Variants in FSHR observed in about 807,000 individuals in gnomAD.
FSHR encodes the protein follicle-stimulating hormone receptor.
In FSHR, 46 loss-of-function variants were observed where a neutral mutation model predicts 52.1. The ratio of observed to expected loss-of-function variants is 0.88; its 90% CI spans 0.70 to 1.13. The LOEUF (loss-of-function observed/expected upper bound fraction) is 1.13. FSHR is among the 50% of genes most tolerant of loss of function. FSHR has a pLI of 0.00. For missense variants in FSHR, 964 were observed against 834.6 expected, an observed-to-expected ratio of 1.16 and a Z score of -1.91; for synonymous variants, 399 against 309.6, an observed-to-expected ratio of 1.29 and a Z score of -3.03.
intron 4 of FSHR, among the ~76,000 whole-genome samples, chr2:48,992,103 C>T (rs1018307391): frequency 2.0e-5 from 3 of 151,568 alleles, no homozygotes; most frequent in Non-Finnish European, 4.4e-5. Context: ...ACTTCAACAG[C>T]CCTTGAGTTA....
intron 1 of FSHR, among the ~76,000 whole-genome samples, chr2:49,106,899 C>T (rs1671243637): frequency 6.6e-6 from 1 of 152,106 alleles, no homozygotes; most frequent in South Asian, 2.1e-4. Flanking sequence ...AGCCTCTCGC[C>T]TTAAGCATCC....
intron 1 of FSHR, among the ~76,000 whole-genome samples, chr2:49,135,774 G>C (rs1054531700): frequency 6.6e-6 from 1 of 152,098 alleles, no homozygotes; most frequent in Admixed American, 6.6e-5. Context: ...TATGTGTATT[G>C]TATACTGTAT....
intron 1 of FSHR, among the ~76,000 whole-genome samples, chr2:49,144,913 G>T (rs1672815315): frequency 6.6e-6 from 1 of 152,118 alleles, no homozygotes; most frequent in African/African-American, 2.4e-5. Context: ...TTACTTATAA[G>T]TTCAAGAGCA....
In FSHR at chr2:48,963,082, G is replaced by C; in HGVS notation, c.1739C>G (p.Thr580Ser). Residue 580 changes from threonine (T) to serine (S), a missense_variant, in exon 10 of 10, where the codon ACT (threonine) becomes AGT (serine). Transcript: ENST00000406846. ...IAKRMAMLIF[T>S]DFLCMAPISF... is the part of the protein sequence containing the mutation. ...AATGGGTGCCATGCAGAGGAAGTCA[G>C]TGAAGATGAGCATGGCCATGCGCTT... 2.5e-6 allele frequency: 4 copies of C among 1,614,108 alleles called. No individual in the cohort carries two copies. Among genetic ancestry groups the C allele is most frequent in the Non-Finnish European group, 3.4e-6 (4 of 1,179,996 alleles).
rs74512920 is a variant in FSHR at position 49,142,724 on chromosome 2, T to C, written c.152+11542A>G. Among the ~76,000 whole-genome samples the C allele has an allele frequency of 5.4e-3, 820 of 152,298 alleles. 30 individuals are homozygous for C. In the East Asian group the frequency reaches 0.085, roughly 16 times the overall value. On this transcript the variant is annotated intron_variant, in intron 1 of 9. Coordinates refer to ENST00000406846, the MANE Select transcript of FSHR (RefSeq NM_000145.4). The stretch of plus-strand genomic sequence containing the variant: ...AGGAAATGGAAAAGGTAGGGGACAT[T>C]GCAGTAGCCCAGGTGAGGGATGATG...
intron 8 of FSHR, among the ~76,000 whole-genome samples, chr2:48,976,823 G>T (rs539093325): frequency 6.6e-6 from 1 of 152,084 alleles, no homozygotes; most frequent in Admixed American, 6.6e-5. Flanking sequence ...GGGATCAGTG[G>T]TGATATCTCC....
chr2:48,986,298 GATCT>G, intron 6 of FSHR, among the ~76,000 whole-genome samples: 1 of 151,494 alleles, frequency 6.6e-6, no homozygotes, highest in South Asian at 2.1e-4. Flanking sequence ...CAAAGGGCAT[GATCT>G]TGTTCTTTTT....
intron 2 of FSHR, among the ~76,000 whole-genome samples, chr2:49,029,180 C>T (rs1031499300): frequency 1.2e-4 from 19 of 152,180 alleles, no homozygotes; most frequent in African/African-American, 3.4e-4. Context: ...CTAATTTAAC[C>T]GGAGACTACT....
chr2:49,017,399 T>C, intron 4 of FSHR, 90 bp downstream of exon 4: 1 of 952,502 alleles, frequency 1.0e-6, no homozygotes, highest in South Asian at 1.4e-5. Context: ...TCAAAAGTAA[T>C]TGCTCCCCAG....
In FSHR at chr2:48,963,707, T is replaced by C. The variant is rs758606613; in HGVS notation, c.1114A>G (p.Ile372Val). 1.2e-6 allele frequency: 2 copies of C among 1,614,160 alleles called. No homozygotes were observed. Among genetic ancestry groups the C allele is most frequent in the South Asian group, 1.1e-5 (1 of 91,084 alleles). ...YNILRVLIWF[I>V]SILAITGNII... Reference sequence around the variant, plus strand: ...TTCCCAGTGATGGCCAGGATGCTGATAAACCATATCAGGACTCTGAGGATG... The same window carrying C: ...TTCCCAGTGATGGCCAGGATGCTGACAAACCATATCAGGACTCTGAGGATG... Residue 372 changes from isoleucine to valine, a missense_variant, in exon 10 of 10, where the codon ATC (isoleucine) becomes GTC (valine). Transcript: ENST00000406846.
chr2:49,037,756 T>C (rs1668321649), intron 2 of FSHR, among the ~76,000 whole-genome samples: 2 of 151,866 alleles, frequency 1.3e-5, no homozygotes, highest in Admixed American at 6.6e-5. Flanking sequence ...AATAAAAAGA[T>C]GTTAAATTGG....
intron 3 of FSHR, among the ~76,000 whole-genome samples, chr2:49,018,974 T>C (rs1201979736): frequency 6.6e-6 from 1 of 152,240 alleles, no homozygotes; most frequent in Admixed American, 6.5e-5. Context: ...TTCTTATTTG[T>C]GTGTGGATTT....
intron 8 of FSHR, among the ~76,000 whole-genome samples, chr2:48,980,534 C>A (rs1559092823): frequency 6.6e-6 from 1 of 152,180 alleles, no homozygotes; most frequent in Non-Finnish European, 1.5e-5. Flanking sequence ...GCTTGTGCAA[C>A]CTCAGGAGAT....
At chr2:49,062,553 A>G (rs562113291) in intron 2 of FSHR, among the ~76,000 whole-genome samples, 1 of 152,174 alleles carries the variant, frequency 6.6e-6, no homozygotes, top group Admixed American at 6.5e-5. Context: ...AATAAAAGGA[A>G]AAACAGACAA....
At chr2:49,132,432 T>G (rs998396975) in intron 1 of FSHR, among the ~76,000 whole-genome samples, 3 of 152,198 alleles carry the variant, frequency 2.0e-5, no homozygotes, top group African/African-American at 7.2e-5. Flanking sequence ...TCAGTTGTAA[T>G]TTTATTTCGA....
chr2:49,063,570 A>G (rs1469828090), intron 2 of FSHR, among the ~76,000 whole-genome samples: 1 of 152,174 alleles, frequency 6.6e-6, no homozygotes, highest in Non-Finnish European at 1.5e-5. Context: ...AGTTAGGCAC[A>G]GAAAGGGAAA....
intron 1 of FSHR, among the ~76,000 whole-genome samples, chr2:49,119,092 G>C (rs1351316465): frequency 1.3e-5 from 2 of 152,210 alleles, no homozygotes; most frequent in Non-Finnish European, 2.9e-5. Context: ...ACATCAGTGA[G>C]TAGGATAAGA....
At chr2:49,125,636 G>A (rs1471416237) in intron 1 of FSHR, among the ~76,000 whole-genome samples, 1 of 152,176 alleles carries the variant, frequency 6.6e-6, no homozygotes, top group Non-Finnish European at 1.5e-5. Flanking sequence ...ATGAATTGAT[G>A]ATATACAGTC....
At chr2:49,042,675 T>A (rs1028610689) in intron 2 of FSHR, among the ~76,000 whole-genome samples, 4 of 152,224 alleles carry the variant, frequency 2.6e-5, no homozygotes, top group African/African-American at 7.2e-5. Flanking sequence ...TTTCCTTTTT[T>A]CATGACTTCA....
Sources: gnomAD v4.1 joint callset for allele counts (sites outside exome capture counted in the v4.1 genomes callset) on GRCh38, gnomAD v4.1.1 for gene constraint, MANE v1.5 for transcripts, NCBI Gene and HGNC (gene_info 2026-07-23, HGNC 2026-07-21) for gene names.